Variants in CNTLN observed in about 807,000 individuals in gnomAD.
The protein encoded by CNTLN is centlein, centrosomal protein.
CNTLN carries 212 observed loss-of-function variants against 180.0 expected under a neutral mutation model. That is an observed-to-expected ratio of 1.18 (90% confidence interval 1.05 to 1.32). The LOEUF (loss-of-function observed/expected upper bound fraction) is 1.32. Ranked by LOEUF, CNTLN falls within the 40% of genes most tolerant of loss-of-function variation. The probability of loss-of-function intolerance (pLI) is 0.00; values close to 1 mark genes in which losing one functional copy is unlikely to be tolerated. For missense variants in CNTLN, 2,095 were observed against 1,610.9 expected (o/e 1.30, Z -5.14); for synonymous variants, 722 against 563.1 (o/e 1.28, Z -3.99).
intron 18 of CNTLN, among the ~76,000 whole-genome samples, chr9:17,431,525 C>G (rs1210844270): frequency 6.6e-6 from 1 of 152,042 alleles, no homozygotes. Flanking sequence ...CATTGCTGTG[C>G]AGAAGCATTT....
intron 8 of CNTLN, among the ~76,000 whole-genome samples, chr9:17,309,760 G>T (rs1010617900): frequency 1.3e-5 from 2 of 151,974 alleles, no homozygotes; most frequent in African/African-American, 4.8e-5. Flanking sequence ...AAATATGTAG[G>T]ATCTGGTTGC....
chr9:17,453,077 C>T (rs985669019), intron 18 of CNTLN, among the ~76,000 whole-genome samples: 4 of 151,928 alleles, frequency 2.6e-5, no homozygotes, highest in Admixed American at 1.3e-4. Context: ...TTTGGGAGGC[C>T]GAGGCGGGAG....
At chr9:17,230,930 T>C (rs75110373) in intron 3 of CNTLN, among the ~76,000 whole-genome samples, 13,165 of 152,136 alleles carry the variant, frequency 0.087, 796 homozygotes, top group Non-Finnish European at 0.12. Context: ...AATTACAGAA[T>C]AAGTTTTTCC....
chr9:17,391,291 GA>G (rs1470072156), intron 14 of CNTLN, among the ~76,000 whole-genome samples: 3 of 152,196 alleles, frequency 2.0e-5, no homozygotes, highest in Non-Finnish European at 1.5e-5. Flanking sequence ...CTTCAAGGCA[GA>G]ACTGAGAAGG....
chr9:17,173,420 C>A (rs574952091), intron 2 of CNTLN, among the ~76,000 whole-genome samples: 1 of 152,188 alleles, frequency 6.6e-6, no homozygotes, highest in South Asian at 2.1e-4. Context: ...CCTGATGCGT[C>A]TTATTTTAAG....
At position 17,135,425 on chromosome 9, in the gene CNTLN, G is replaced by C; in HGVS notation, c.360G>C (p.Gln120His). The change falls in exon 1 of 26, where the codon CAG becomes CAC. Residue 120 changes from glutamine to histidine, a missense_variant and splice_region_variant. Physicochemically the swap from Gln to His is conservative, Grantham distance 24. Transcript: ENST00000380647. ...TAAAGGAGGAGTTGGCCCTGTGTCA[G>C]GTATCGAGGAGTCTCGCAGTCCCCC... ...SSLKEELALCQADKEFVWSLW... is the reference protein window; with the variant it reads ...SSLKEELALCHADKEFVWSLW... The C allele has an allele frequency of 6.3e-7, 1 of 1,594,306 alleles. No homozygotes were observed. The highest frequency in any genetic ancestry group is 8.5e-7 in the Non-Finnish European group (1 of 1,171,838).
chr9:17,202,933 T>G (rs1472539772), intron 2 of CNTLN, among the ~76,000 whole-genome samples: 2 of 152,092 alleles, frequency 1.3e-5, no homozygotes, highest in African/African-American at 4.8e-5. Flanking sequence ...CATAGTGTCG[T>G]TGGTCTTTAT....
At chr9:17,177,980 A>T (rs541489099) in intron 2 of CNTLN, among the ~76,000 whole-genome samples, 1 of 151,932 alleles carries the variant, frequency 6.6e-6, no homozygotes, top group Non-Finnish European at 1.5e-5. Context: ...TGAGCTAGAC[A>T]CAAAAGTTCT....
chr9:17,520,408 C>A, the CNTLN span, among the ~76,000 whole-genome samples: 1 of 152,170 alleles, frequency 6.6e-6, no homozygotes. Flanking sequence ...TAACTTCTGC[C>A]TAAAGAGCTG....
At chr9:17,524,563 G>A in the CNTLN span, among the ~76,000 whole-genome samples, 1 of 152,214 alleles carries the variant, frequency 6.6e-6, no homozygotes, top group Admixed American at 6.5e-5. Flanking sequence ...GTTTGACCAA[G>A]TGTCTAGGTA....
At chr9:17,293,778 C>G (rs909440214) in intron 6 of CNTLN, among the ~76,000 whole-genome samples, 1 of 152,152 alleles carries the variant, frequency 6.6e-6, no homozygotes, top group Non-Finnish European at 1.5e-5. Flanking sequence ...TAGGTAGTCA[C>G]CAGCCCATTG....
At chr9:17,333,278 C>T (rs1820765214) in intron 10 of CNTLN, among the ~76,000 whole-genome samples, 1 of 152,070 alleles carries the variant, frequency 6.6e-6, no homozygotes, top group African/African-American at 2.4e-5. Flanking sequence ...TCTTTGAGAG[C>T]TTATATTAAT....
intron 6 of CNTLN, among the ~76,000 whole-genome samples, chr9:17,282,202 C>T (rs1052820294): frequency 1.3e-5 from 2 of 152,122 alleles, no homozygotes; most frequent in Non-Finnish European, 2.9e-5. Context: ...ACCTTGTGAT[C>T]TACCCACCTC....
At chr9:17,142,356 G>A (rs1818164192) in intron 1 of CNTLN, among the ~76,000 whole-genome samples, 1 of 152,058 alleles carries the variant, frequency 6.6e-6, no homozygotes. Context: ...CCAAAAGATT[G>A]GACACCACTG....
intron 2 of CNTLN, among the ~76,000 whole-genome samples, chr9:17,209,199 T>C (rs1823120110): frequency 6.6e-6 from 1 of 152,204 alleles, no homozygotes; most frequent in African/African-American, 2.4e-5. Flanking sequence ...AGCATATTGT[T>C]TAATTTTCAT....
chr9:17,344,673 T>G (rs1330155664), intron 12 of CNTLN, among the ~76,000 whole-genome samples: 2 of 152,188 alleles, frequency 1.3e-5, no homozygotes. Context: ...TGTCCAAAAG[T>G]GTCATGATAA....
chr9:17,309,361 A>T, intron 8 of CNTLN, 109 bp downstream of exon 8: 1 of 881,778 alleles, frequency 1.1e-6, no homozygotes, highest in Non-Finnish European at 1.7e-6. Flanking sequence ...ATTGGAGTAT[A>T]AGAAGTGTGC....
chr9:17,485,415 G>A (rs1345314288), intron 24 of CNTLN, among the ~76,000 whole-genome samples: 1 of 152,122 alleles, frequency 6.6e-6, no homozygotes, highest in African/African-American at 2.4e-5. Flanking sequence ...TTTTCATCCA[G>A]TGGGTGAATT....
At chr9:17,467,809 C>T (rs895825589) in intron 23 of CNTLN, among the ~76,000 whole-genome samples, 1 of 151,550 alleles carries the variant, frequency 6.6e-6, no homozygotes, top group African/African-American at 2.4e-5. Flanking sequence ...TAAATTAGTT[C>T]AGCCACTGTG....
Sources: gnomAD v4.1 joint callset for allele counts (sites outside exome capture counted in the v4.1 genomes callset) on GRCh38, gnomAD v4.1.1 for gene constraint, MANE v1.5 for transcripts, NCBI Gene and HGNC (gene_info 2026-07-23, HGNC 2026-07-21) for gene names.